The following PDILT variants were observed in gnomAD, a reference collection of about 807,000 sequenced individuals.
The protein encoded by PDILT is protein disulfide isomerase like, testis expressed, also known as protein disulfide-isomerase-like protein of the testis.
PDILT carries 43 observed loss-of-function variants against 53.7 expected under a neutral mutation model. The observed-to-expected ratio is 0.80, with a 90% confidence interval of 0.63 to 1.03. The LOEUF is 1.03. Among genes scored for constraint, PDILT ranks in the 50% least tolerant of loss-of-function variants. The pLI is 0.00. For synonymous variants in PDILT, 282 were observed against 274.2 expected (o/e 1.03, Z -0.28); for missense variants, 727 against 712.3 (o/e 1.02, Z -0.24).
At chr16:20,361,818 C>A (rs972412720) in intron 10 of PDILT, among the ~76,000 whole-genome samples, 1 of 152,178 alleles carries the variant, frequency 6.6e-6, no homozygotes, top group Non-Finnish European at 1.5e-5. Context: ...TATCTGCCCT[C>A]CAGAAGCTCT....
At position 20,361,205 on chromosome 16, in the gene PDILT, T is replaced by TTTTTTTTTTTTTTTTG. The variant is rs5816105; in HGVS notation, c.1417-549_1417-548insCAAAAAAAAAAAAAAA. ...TCCCTTTCCTCTTTTTTTTTTTTTTTATATGGAATCTTGCTCTGTCACCAT... is the reference window on the plus strand; with the variant it reads ...TCCCTTTCCTCTTTTTTTTTTTTTTTTTTTTTTTTTTTTTTGATATGGAATCTTGCTCTGTCACCAT... On this transcript the variant is annotated intron_variant, in intron 10 of 11. Coordinates refer to ENST00000302451, the MANE Select transcript of PDILT (RefSeq NM_174924.2). Among the ~76,000 whole-genome samples, 8 of 134,804 alleles carry TTTTTTTTTTTTTTTTG rather than the reference T, an allele frequency of 5.9e-5. 1 individual carries two copies. The highest frequency in any genetic ancestry group is 1.1e-4 in the African/African-American group (4 of 35,380). 88.4% of individuals were successfully genotyped at this position (134,804 alleles called of 152,430 possible).
chr16:20,360,709 G>A, intron 10 of PDILT, 52 bp from the exon 11 acceptor site: 1 of 1,355,608 alleles, frequency 7.4e-7, no homozygotes, highest in South Asian at 1.2e-5. Context: ...CCGCAGAGAT[G>A]CTCGAGGATT....
At chr16:20,375,869 C>T (rs964797352) in intron 4 of PDILT, among the ~76,000 whole-genome samples, 199 bp downstream of exon 4, 2 of 152,136 alleles carry the variant, frequency 1.3e-5, no homozygotes. Flanking sequence ...CTGTTAAAAC[C>T]CATTAAATAC....
intron 7 of PDILT, among the ~76,000 whole-genome samples, chr16:20,370,948 A>G (rs1966298068): frequency 6.6e-6 from 1 of 152,250 alleles, no homozygotes; most frequent in African/African-American, 2.4e-5. Flanking sequence ...TGTTTAGCAT[A>G]TAATCAAGAA....
intron 3 of PDILT, among the ~76,000 whole-genome samples, chr16:20,379,343 T>G (rs1001486678): frequency 1.3e-5 from 2 of 152,006 alleles, no homozygotes; most frequent in African/African-American, 4.8e-5. Flanking sequence ...CCCACTAATT[T>G]TTTAGTATCA....
intron 7 of PDILT, among the ~76,000 whole-genome samples, chr16:20,370,576 G>T (rs2087952186): frequency 6.6e-6 from 1 of 152,168 alleles, no homozygotes; most frequent in Non-Finnish European, 1.5e-5. Context: ...GAATAGAAAA[G>T]AAAAGTCAGT....
chr16:20,373,627 G>A (rs1567323588), intron 5 of PDILT, among the ~76,000 whole-genome samples: 1 of 152,226 alleles, frequency 6.6e-6, no homozygotes, highest in Non-Finnish European at 1.5e-5. Context: ...AAACGGAGGT[G>A]TAACTAGACT....
rs367730678 is a variant in PDILT, at chr16:20,383,076, T to C, written c.409+1569A>G. Among the ~76,000 whole-genome samples, 24 of 152,266 alleles carry C rather than the reference T, an allele frequency of 1.6e-4. No individual in the cohort carries two copies. In the East Asian group the frequency reaches 3.9e-3, roughly 24 times the overall value. On this transcript the variant is annotated intron_variant, in intron 3 of 11. Transcript: ENST00000302451. ...GATGGGGTGATGATGAAGCTTCCTGTATGGCAGACGAGGTCCCAGGCACTG... is the reference window on the plus strand; with the variant it reads ...GATGGGGTGATGATGAAGCTTCCTGCATGGCAGACGAGGTCCCAGGCACTG...
chr16:20,397,769 G>T (rs1166003700), intron 2 of PDILT, among the ~76,000 whole-genome samples: 1 of 152,146 alleles, frequency 6.6e-6, no homozygotes, highest in Non-Finnish European at 1.5e-5. Context: ...GAAGGGAAAG[G>T]CACCCTGCCT....
intron 2 of PDILT, among the ~76,000 whole-genome samples, chr16:20,385,755 A>G (rs2141612049): frequency 6.6e-6 from 1 of 152,292 alleles, no homozygotes; most frequent in African/African-American, 2.4e-5. Flanking sequence ...ACAAAAACAA[A>G]CCACTCAATA....
At chr16:20,376,033 G>A in intron 4 of PDILT, 35 bp downstream of exon 4, 1 of 1,612,728 alleles carries the variant, frequency 6.2e-7, no homozygotes, top group Non-Finnish European at 8.5e-7. Flanking sequence ...CTTCTCATCA[G>A]TTGAAAGCCT....
At position 20,362,582 on chromosome 16, in the gene PDILT, T is replaced by G; in HGVS notation, c.1238A>C (p.Tyr413Ser). Residue 413 changes from tyrosine (Y) to serine (S), a missense_variant and splice_region_variant, in exon 10 of 12, where the codon TAT becomes TCT. Physicochemically the swap from Tyr to Ser is moderately radical, Grantham distance 144. Coordinates refer to ENST00000302451, the MANE Select transcript of PDILT (RefSeq NM_174924.2). ...DKEKDVFVMF[Y>S]APWSKKCKML... is the part of the protein sequence containing the mutation. ...CTTGCACTTTTTAGACCAGGGTGCA[T>G]CTGGAAGAGAAGGTCCATGGCTCAG... 1 of 1,614,044 alleles carries G rather than the reference T, an allele frequency of 6.2e-7. No individual in the cohort carries two copies. Among genetic ancestry groups the G allele is most frequent in the Non-Finnish European group, 8.5e-7 (1 of 1,179,958 alleles).
intron 3 of PDILT, among the ~76,000 whole-genome samples, chr16:20,379,646 C>G (rs1008006365): frequency 6.6e-6 from 1 of 152,214 alleles, no homozygotes; most frequent in Non-Finnish European, 1.5e-5. Flanking sequence ...TTGTGCATGT[C>G]TCTGGGGCAC....
chr16:20,403,413 C>T (rs1435056973), intron 1 of PDILT, among the ~76,000 whole-genome samples: 1 of 152,146 alleles, frequency 6.6e-6, no homozygotes, highest in Non-Finnish European at 1.5e-5. Flanking sequence ...CTTCAACCTC[C>T]CTAGCAGCTG....
At chr16:20,375,805 G>T (rs1352160084) in intron 4 of PDILT, among the ~76,000 whole-genome samples, 1 of 149,244 alleles carries the variant, frequency 6.7e-6, no homozygotes, top group African/African-American at 2.6e-5. Flanking sequence ...CAGAAACTAA[G>T]ACATCCTTTT....
At chr16:20,375,134 G>A (rs1966366305) in intron 4 of PDILT, among the ~76,000 whole-genome samples, 175 bp from the exon 5 acceptor site, 1 of 152,070 alleles carries the variant, frequency 6.6e-6, no homozygotes. Context: ...TGCTTCTCTG[G>A]CTATGAATAA....
At chr16:20,372,345 A>G (rs556576452) in intron 7 of PDILT, among the ~76,000 whole-genome samples, 1 of 152,366 alleles carries the variant, frequency 6.6e-6, no homozygotes, top group South Asian at 2.1e-4. Flanking sequence ...GCACAATGTT[A>G]AAGCCCAGAA....
chr16:20,377,211 C>G (rs1966399891), intron 3 of PDILT, among the ~76,000 whole-genome samples: 1 of 152,034 alleles, frequency 6.6e-6, no homozygotes, highest in South Asian at 2.1e-4. Context: ...TTGCTTGAGC[C>G]CAGGAGTTCA....
At chr16:20,364,363 T>G (rs1186768917) in intron 9 of PDILT, among the ~76,000 whole-genome samples, 2 of 152,194 alleles carry the variant, frequency 1.3e-5, no homozygotes, top group African/African-American at 4.8e-5. Flanking sequence ...CATGATGCAG[T>G]GTAGCCCTTG....
Sources: gnomAD v4.1 joint callset for allele counts (sites outside exome capture counted in the v4.1 genomes callset) on GRCh38, gnomAD v4.1.1 for gene constraint, MANE v1.5 for transcripts, NCBI Gene and HGNC (gene_info 2026-07-23, HGNC 2026-07-21) for gene names.